The following ANKRD18A variants were observed in gnomAD, a reference collection of about 807,000 sequenced individuals.
ANKRD18A encodes ankyrin repeat domain-containing protein 18A.
Under a neutral mutation model 110.6 loss-of-function variants are expected in ANKRD18A, and 72 were observed. The observed-to-expected ratio is 0.65, with a 90% CI of 0.54 to 0.79. The LOEUF (loss-of-function observed/expected upper bound fraction) is 0.79. Ranked by LOEUF, ANKRD18A falls within the 30% of genes least tolerant of loss-of-function variation. The pLI is 0.00. For synonymous variants in ANKRD18A, 305 were observed against 410.3 expected (o/e 0.74, Z 3.10); for missense variants, 934 against 1,163.3 (o/e 0.80, Z 2.87).
chr9:38,601,808 T>C (rs1325815417), intron 7 of ANKRD18A, among the ~76,000 whole-genome samples: 5 of 151,856 alleles, frequency 3.3e-5, no homozygotes, highest in Admixed American at 1.3e-4. Context: ...CCAGAGACCA[T>C]AGTGAAACCC....
At chr9:38,586,983 T>C (rs1427316963) in intron 11 of ANKRD18A, among the ~76,000 whole-genome samples, 2 of 151,924 alleles carry the variant, frequency 1.3e-5, no homozygotes, top group Admixed American at 1.3e-4. Context: ...TTTTAAAAAG[T>C]AAAACACATA....
chr9:38,606,590 TAA>T (rs1825367664), intron 6 of ANKRD18A, among the ~76,000 whole-genome samples: 1 of 152,198 alleles, frequency 6.6e-6, no homozygotes, highest in Non-Finnish European at 1.5e-5. Context: ...ATGTTATCAG[TAA>T]AGTTTCCAGT....
intron 12 of ANKRD18A, 96 bp downstream of exon 12, chr9:38,586,087 A>C: frequency 7.8e-7 from 1 of 1,279,546 alleles, no homozygotes; most frequent in Non-Finnish European, 1.1e-6. Context: ...TACGTGCAGC[A>C]AACCATCATG....
At chr9:38,603,636 G>A (rs890059618) in intron 6 of ANKRD18A, among the ~76,000 whole-genome samples, 3 of 151,900 alleles carry the variant, frequency 2.0e-5, no homozygotes, top group African/African-American at 7.3e-5. Context: ...TGCTTAAATC[G>A]TTCTTGAAAA....
At chr9:38,586,342 G>T in intron 11 of ANKRD18A, 30 bp from the exon 12 acceptor site, 1 of 1,472,418 alleles carries the variant, frequency 6.8e-7, no homozygotes, top group Non-Finnish European at 9.2e-7. Context: ...AGTAAGTCAA[G>T]TATTTTTAAG....
chr9:38,609,584 CA>C (rs1320565334), intron 5 of ANKRD18A, among the ~76,000 whole-genome samples: 1 of 151,920 alleles, frequency 6.6e-6, no homozygotes. Context: ...ATCCTGGTGG[CA>C]AAAGTCAATC....
At chr9:38,573,215 C>T in intron 15 of ANKRD18A, 3 of 759,490 alleles carry the variant, frequency 4.0e-6, no homozygotes, top group South Asian at 6.2e-5. Context: ...AAATGTGGCC[C>T]TTAGTATTTT....
chr9:38,602,258 C>G (rs978041180), intron 7 of ANKRD18A, among the ~76,000 whole-genome samples: 18 of 150,486 alleles, frequency 1.2e-4, no homozygotes, highest in African/African-American at 4.2e-4. Flanking sequence ...AAGTGGTAGG[C>G]ACAGGTGTTT....
At chr9:38,582,939 A>C (rs963590262) in intron 12 of ANKRD18A, among the ~76,000 whole-genome samples, 4 of 152,256 alleles carry the variant, frequency 2.6e-5, no homozygotes, top group Non-Finnish European at 5.9e-5. Flanking sequence ...TTACATATAT[A>C]GGATATATAA....
chr9:38,603,536 A>T (rs1045992776), intron 6 of ANKRD18A, among the ~76,000 whole-genome samples: 7 of 152,320 alleles, frequency 4.6e-5, no homozygotes, highest in Admixed American at 4.6e-4. Context: ...GAGTACAGTC[A>T]TGCCTATTCA....
In ANKRD18A at chr9:38,599,755, C is replaced by T. The variant is rs533640201; in HGVS notation, c.936+1376G>A. On this transcript the variant is annotated intron_variant, in intron 8 of 15. Coordinates refer to ENST00000399703, the MANE Select transcript of ANKRD18A (RefSeq NM_147195.4). ...CTGGGATTACAGGTGTGAGCCACCA[C>T]GCCCAGAATTGTAATGAATTTTAAA... is the stretch of plus-strand genomic sequence containing the variant. 6.8e-4 allele frequency among the ~76,000 whole-genome samples: 103 copies of T among 152,254 alleles called. 1 individual carries two copies. Among genetic ancestry groups the T allele is most frequent in the Non-Finnish European group, 6.0e-4 (41 of 68,014 alleles).
At chr9:38,583,591 T>C (rs895703624) in intron 12 of ANKRD18A, among the ~76,000 whole-genome samples, 1 of 152,134 alleles carries the variant, frequency 6.6e-6, no homozygotes, top group Non-Finnish European at 1.5e-5. Flanking sequence ...GGTTTCACCA[T>C]GTTGGCCAGG....
downstream of ANKRD18A, chr9:38,568,728 G>A: frequency 3.0e-6 from 3 of 985,256 alleles, no homozygotes; most frequent in Non-Finnish European, 3.6e-6. Flanking sequence ...CCTGTCTTGG[G>A]CCAAATTCTA....
intron 3 of ANKRD18A, among the ~76,000 whole-genome samples, chr9:38,615,209 A>C (rs1825799425): frequency 6.6e-6 from 1 of 151,988 alleles, no homozygotes; most frequent in African/African-American, 2.4e-5. Context: ...CCATTTTGTT[A>C]GAAAACCGTC....
rs141024147 is a variant in ANKRD18A at position 38,615,085 on chromosome 9, C to T, written c.495+509G>A. On this transcript the variant is annotated intron_variant, in intron 3 of 15. Transcript: ENST00000399703. ...AAAACAACAAACTAAAAAACAAAAC[C>T]TCTTCTTGGCATTTTCCCTCATTAC... 1.1e-4 allele frequency among the ~76,000 whole-genome samples: 17 copies of T among 152,232 alleles called. No individual in the cohort carries two copies. The East Asian group carries it at 3.3e-3, about 29-fold the overall frequency.
chr9:38,609,709 A>G (rs1825521166), intron 5 of ANKRD18A, among the ~76,000 whole-genome samples: 1 of 151,980 alleles, frequency 6.6e-6, no homozygotes. Context: ...GTAAAGCAAG[A>G]TTGTCTTCCT....
intron 9 of ANKRD18A, 106 bp downstream of exon 9, chr9:38,595,380 A>C (rs148045884): frequency 0.07 from 75,443 of 1,083,214 alleles, 2,835 homozygotes; most frequent in Non-Finnish European, 0.077. Context: ...AGAATGGTAA[A>C]CACATTTTCA....
At position 38,585,551 on chromosome 9, in the gene ANKRD18A, A is replaced by C. The variant is rs1254269081; in HGVS notation, c.2247+632T>G. On this transcript the variant is annotated intron_variant, in intron 12 of 15. Transcript: ENST00000399703. ...TGGGTAATCCAGGGCCACAGTCACC[A>C]TACTGGCTCAGAATCAACCTCCTTA... is the stretch of plus-strand genomic sequence containing the variant. Among the ~76,000 whole-genome samples the C allele has an allele frequency of 3.3e-5, 5 of 152,226 alleles. No homozygotes were observed. The East Asian group carries it at 9.6e-4, about 29-fold the overall frequency.
At chr9:38,594,287 C>A (rs1454200389) in intron 9 of ANKRD18A, among the ~76,000 whole-genome samples, 1 of 152,150 alleles carries the variant, frequency 6.6e-6, no homozygotes, top group Admixed American at 6.6e-5. Flanking sequence ...CCCTCCCTGA[C>A]CTCAGCTCCT....
Sources: allele counts gnomAD v4.1 joint callset (sites outside exome capture counted in the v4.1 genomes callset), GRCh38; gene constraint gnomAD v4.1.1; transcripts MANE v1.5; gene names NCBI Gene and HGNC (gene_info 2026-07-23, HGNC 2026-07-21).